The following OXR1 variants were observed in gnomAD, a reference collection of about 807,000 sequenced individuals.
OXR1 encodes the protein oxidation resistance 1.
OXR1 carries 41 observed loss-of-function variants against 104.6 expected under a neutral mutation model. The ratio of observed to expected loss-of-function variants is 0.39; its 90% CI spans 0.31 to 0.51. The LOEUF is 0.51. Ranked by LOEUF, OXR1 falls within the 20% of genes least tolerant of loss-of-function variation. The pLI is 0.77. For synonymous variants in OXR1, 348 were observed against 348.4 expected, an observed-to-expected ratio of 1.00 and a Z score of 0.01; for missense variants, 955 against 1,031.9, an observed-to-expected ratio of 0.93 and a Z score of 1.02.
chr8:106,434,728 T>A (rs1819502784), intron 2 of OXR1, among the ~76,000 whole-genome samples: 2 of 152,164 alleles, frequency 1.3e-5, no homozygotes, highest in African/African-American at 4.8e-5. Flanking sequence ...TAAGAAAAAT[T>A]AAAAATTTGC....
At chr8:106,496,915 C>T (rs1379185254) in intron 2 of OXR1, among the ~76,000 whole-genome samples, 1 of 152,052 alleles carries the variant, frequency 6.6e-6, no homozygotes, top group Non-Finnish European at 1.5e-5. Flanking sequence ...CGGAGGTAGA[C>T]CAATGTAAAC....
intron 1 of OXR1, among the ~76,000 whole-genome samples, chr8:106,282,559 G>A (rs184230425): frequency 7.3e-4 from 111 of 152,264 alleles, no homozygotes; most frequent in Non-Finnish European, 2.4e-4. Context: ...TGGCTATTGT[G>A]TGTGTGATAT....
chr8:106,410,289 C>A (rs748475664), intron 2 of OXR1, among the ~76,000 whole-genome samples: 7 of 152,060 alleles, frequency 4.6e-5, no homozygotes, highest in Non-Finnish European at 7.4e-5. Context: ...TGTTGCCAAG[C>A]AAAAGAATTA....
intron 3 of OXR1, among the ~76,000 whole-genome samples, chr8:106,614,704 T>C (rs1168327954): frequency 1.3e-5 from 2 of 152,114 alleles, no homozygotes; most frequent in African/African-American, 2.4e-5. Flanking sequence ...AAAGAACAAA[T>C]GGCCAAATAT....
chr8:106,372,508 C>A (rs1411243967), intron 2 of OXR1, among the ~76,000 whole-genome samples: 1 of 152,112 alleles, frequency 6.6e-6, no homozygotes, highest in Non-Finnish European at 1.5e-5. Context: ...ATTTGAAAAC[C>A]CAACATTTGA....
chr8:106,731,683 A>G (rs772425672), intron 11 of OXR1, among the ~76,000 whole-genome samples: 1 of 152,150 alleles, frequency 6.6e-6, no homozygotes, highest in Non-Finnish European at 1.5e-5. Flanking sequence ...TCCTTTGTTA[A>G]AAGTCAGTTG....
chr8:106,321,119 A>T (rs181342952), intron 1 of OXR1, among the ~76,000 whole-genome samples: 17 of 152,344 alleles, frequency 1.1e-4, no homozygotes, highest in African/African-American at 3.6e-4. Flanking sequence ...TATAGGAACC[A>T]TTTTATCTCT....
rs186833159 is a variant in OXR1, at chr8:106,734,880, T to C, written c.1957-2640T>C. Among the ~76,000 whole-genome samples, 3 of 152,342 alleles carry C rather than the reference T, an allele frequency of 2.0e-5. No homozygotes were observed. In the East Asian group the frequency reaches 5.8e-4, roughly 29 times the overall value. On this transcript the variant is annotated intron_variant, in intron 11 of 16. Coordinates refer to ENST00000517566, the MANE Select transcript of OXR1 (RefSeq NM_001198533.2). ...AGGAGTTAGCAGTATATCCAAATAC[T>C]TTATTCCTTAAGAAACGATTTTTTA...
intron 2 of OXR1, among the ~76,000 whole-genome samples, chr8:106,403,569 A>G (rs1239958952): frequency 2.0e-5 from 3 of 152,226 alleles, no homozygotes; most frequent in Non-Finnish European, 2.9e-5. Flanking sequence ...ACCAGTTTAG[A>G]TAGGTAGATC....
chr8:106,381,169 C>T (rs1817133037), intron 2 of OXR1, among the ~76,000 whole-genome samples: 1 of 151,992 alleles, frequency 6.6e-6, no homozygotes. Flanking sequence ...AGGACTGGAA[C>T]TAAATATAAG....
intron 3 of OXR1, among the ~76,000 whole-genome samples, chr8:106,543,531 T>G (rs1815120371): frequency 6.6e-6 from 1 of 152,142 alleles, no homozygotes. Context: ...AAGGTGAATA[T>G]CCCCAGATGA....
intron 3 of OXR1, among the ~76,000 whole-genome samples, chr8:106,526,814 A>G (rs1195178298): frequency 6.6e-6 from 1 of 152,174 alleles, no homozygotes; most frequent in Non-Finnish European, 1.5e-5. Context: ...AAGTCCTGGG[A>G]TTATAGGCGT....
At chr8:106,603,756 A>T (rs952858374) in intron 3 of OXR1, among the ~76,000 whole-genome samples, 18 of 152,336 alleles carry the variant, frequency 1.2e-4, no homozygotes, top group Non-Finnish European at 2.6e-4. Context: ...AAATTGCTTT[A>T]AAAATCAAGA....
intron 7 of OXR1, among the ~76,000 whole-genome samples, chr8:106,701,178 C>G (rs1375806112): frequency 1.3e-5 from 2 of 152,020 alleles, no homozygotes; most frequent in African/African-American, 2.4e-5. Flanking sequence ...TAAAGTTACT[C>G]CTTATTTAGG....
chr8:106,363,471 G>A (rs1159554958), intron 2 of OXR1, among the ~76,000 whole-genome samples: 1 of 151,172 alleles, frequency 6.6e-6, no homozygotes, highest in Non-Finnish European at 1.5e-5. Context: ...AAATTATATA[G>A]CAGAAACTAA....
chr8:106,364,651 T>C lies in OXR1; in HGVS notation c.23+5015T>C, dbSNP rs529721162. Among the ~76,000 whole-genome samples the C allele has an allele frequency of 5.3e-5, 8 of 152,128 alleles. No homozygotes were observed. In the East Asian group the frequency reaches 1.5e-3, roughly 29 times the overall value. ...TTTAGAATTTTAGAGTTCAGAAAAA[T>C]GCAAAATTAGAAATGCAGAAAGTTT... On this transcript the variant is annotated intron_variant, in intron 2 of 16. Transcript: ENST00000517566.
intron 2 of OXR1, among the ~76,000 whole-genome samples, chr8:106,412,608 C>A (rs183374957): frequency 1.4e-5 from 2 of 139,178 alleles, no homozygotes; most frequent in Non-Finnish European, 3.1e-5. Flanking sequence ...GGAGTGAGTA[C>A]GCAGGGAGTC....
chr8:106,437,695 C>G (rs535681315), intron 2 of OXR1, among the ~76,000 whole-genome samples: 1 of 152,252 alleles, frequency 6.6e-6, no homozygotes, highest in African/African-American at 2.4e-5. Context: ...CTGAGATGAT[C>G]TCCAACAACC....
intron 1 of OXR1, among the ~76,000 whole-genome samples, chr8:106,316,721 T>TATCTATCTATCTATC (rs1563713946): frequency 0.041 from 1,427 of 34,618 alleles, 6 homozygotes; most frequent in Middle Eastern, 0.054. Flanking sequence ...ATCTATCATC[T>TATCTATCTATCTATC]ATCTATCTAT....
Sources: allele counts gnomAD v4.1 joint callset (sites outside exome capture counted in the v4.1 genomes callset), GRCh38; gene constraint gnomAD v4.1.1; transcripts MANE v1.5; gene names NCBI Gene and HGNC (gene_info 2026-07-23, HGNC 2026-07-21).